The following HCN1 variants were observed in gnomAD, a reference collection of about 807,000 sequenced individuals.
The protein encoded by HCN1 is hyperpolarization activated cyclic nucleotide gated potassium channel 1.
Under a neutral mutation model 78.9 loss-of-function variants are expected in HCN1, and 13 were observed. That is an observed-to-expected ratio of 0.16 (90% confidence interval 0.11 to 0.26). The LOEUF is 0.26. Among genes scored for constraint, HCN1 ranks in the 10% least tolerant of loss-of-function variants. The pLI is 1.00. For synonymous variants in HCN1, 552 were observed against 455.5 expected, an observed-to-expected ratio of 1.21 and a Z score of -2.70; for missense variants, 810 against 1,154.3, an observed-to-expected ratio of 0.70 and a Z score of 4.32.
chr5:45,389,594 G>A (rs1244925012), intron 4 of HCN1, among the ~76,000 whole-genome samples: 1 of 152,112 alleles, frequency 6.6e-6, no homozygotes, highest in African/African-American at 2.4e-5. Flanking sequence ...GCATTCTGCA[G>A]GAATGCATGG....
intron 4 of HCN1, among the ~76,000 whole-genome samples, chr5:45,374,863 AT>A (rs1446922021): frequency 6.9e-6 from 1 of 145,168 alleles, no homozygotes; most frequent in Non-Finnish European, 1.5e-5. Flanking sequence ...TGTAAAACTT[AT>A]TTTTGGTTCA....
intron 6 of HCN1, among the ~76,000 whole-genome samples, chr5:45,299,366 T>C (rs1745560825): frequency 6.6e-6 from 1 of 151,976 alleles, no homozygotes; most frequent in African/African-American, 2.4e-5. Flanking sequence ...GAAGTAAAAG[T>C]TTAACCGTAA....
chr5:45,399,549 T>A (rs1318939891), intron 3 of HCN1, among the ~76,000 whole-genome samples: 1 of 152,198 alleles, frequency 6.6e-6, no homozygotes, highest in Non-Finnish European at 1.5e-5. Flanking sequence ...AAATTAACTC[T>A]TAAATTATCA....
intron 2 of HCN1, among the ~76,000 whole-genome samples, chr5:45,496,868 C>A (rs1357532941): frequency 6.6e-6 from 1 of 152,154 alleles, no homozygotes; most frequent in African/African-American, 2.4e-5. Context: ...CTACACACTG[C>A]TTTGAATGTG....
intron 2 of HCN1, among the ~76,000 whole-genome samples, chr5:45,489,243 G>A (rs532779435): frequency 6.6e-6 from 1 of 152,126 alleles, no homozygotes; most frequent in Non-Finnish European, 1.5e-5. Flanking sequence ...ATTTTGGGGA[G>A]AATTAATAGT....
At chr5:45,301,774 TA>T (rs1388439899) in intron 6 of HCN1, among the ~76,000 whole-genome samples, 1 of 148,166 alleles carries the variant, frequency 6.7e-6, no homozygotes, top group Non-Finnish European at 1.5e-5. Context: ...TCCCAGTGTG[TA>T]AAACCCGCTT....
intron 2 of HCN1, among the ~76,000 whole-genome samples, chr5:45,494,836 G>A (rs1179130229): frequency 6.6e-6 from 1 of 152,104 alleles, no homozygotes; most frequent in African/African-American, 2.4e-5. Flanking sequence ...AGTTTTCTCA[G>A]CACCATTTAT....
chr5:45,362,944 C>T (rs1180830263), intron 4 of HCN1, among the ~76,000 whole-genome samples: 1 of 151,518 alleles, frequency 6.6e-6, no homozygotes, highest in Non-Finnish European at 1.5e-5. Flanking sequence ...TAACTTTCTA[C>T]TTCTCATTAA....
intron 2 of HCN1, among the ~76,000 whole-genome samples, chr5:45,495,500 G>A (rs1440913108): frequency 1.3e-5 from 2 of 151,690 alleles, no homozygotes; most frequent in Non-Finnish European, 2.9e-5. Context: ...GAGATTTTGG[G>A]CTGAGACAAT....
Position 45,396,582 on chromosome 5 carries a change from G to T in HCN1, c.1140C>A (p.Ile380=). 1 of 1,613,840 alleles carries T rather than the reference G, an allele frequency of 6.2e-7. No homozygotes were observed. Residue 380 remains isoleucine, a synonymous_variant, in exon 4 of 8, where the codon ATC becomes ATA. Transcript: ENST00000303230. ...ACATGGCATAGCAGGTGGCCCCGACGATCATGCTCAGCATGGTAATCCAGA... is the reference window on the plus strand; with the variant it reads ...ACATGGCATAGCAGGTGGCCCCGACTATCATGCTCAGCATGGTAATCCAGA... ...SDLWITMLSM[I]VGATCYAMFV... is the part of the protein sequence containing the mutation.
chr5:45,589,030 C>A (rs887377715), intron 2 of HCN1, among the ~76,000 whole-genome samples: 1 of 152,114 alleles, frequency 6.6e-6, no homozygotes, highest in Non-Finnish European at 1.5e-5. Context: ...AAAGACAAGA[C>A]AACAGTGGTT....
At chr5:45,291,005 TG>T in intron 6 of HCN1, among the ~76,000 whole-genome samples, 1 of 152,210 alleles carries the variant, frequency 6.6e-6, no homozygotes, top group African/African-American at 2.4e-5. Flanking sequence ...TCAGAAAGCT[TG>T]AAAATGCTTC....
At chr5:45,326,879 G>T (rs1390985464) in intron 5 of HCN1, among the ~76,000 whole-genome samples, 1 of 151,474 alleles carries the variant, frequency 6.6e-6, no homozygotes, top group Non-Finnish European at 1.5e-5. Context: ...TAGAACATAG[G>T]GACATACTGT....
At chr5:45,616,684 G>T (rs1450178539) in intron 2 of HCN1, among the ~76,000 whole-genome samples, 1 of 151,852 alleles carries the variant, frequency 6.6e-6, no homozygotes, top group African/African-American at 2.4e-5. Flanking sequence ...AGAAGAAAGA[G>T]AAGTTAATGA....
chr5:45,689,520 T>C (rs1408237008), intron 1 of HCN1, among the ~76,000 whole-genome samples: 1 of 152,108 alleles, frequency 6.6e-6, no homozygotes, highest in Non-Finnish European at 1.5e-5. Flanking sequence ...ATCTAAAAGA[T>C]GAGTAGAAAC....
chr5:45,334,185 C>T (rs564038870), intron 5 of HCN1, among the ~76,000 whole-genome samples: 1 of 151,884 alleles, frequency 6.6e-6, no homozygotes, highest in Admixed American at 6.6e-5. Flanking sequence ...ATAACTTAAG[C>T]CATTGTAGAA....
In HCN1 at chr5:45,262,566, G is replaced by T. The variant is rs761735262; in HGVS notation, c.2028C>A (p.Ser676Arg). 3.1e-6 allele frequency: 5 copies of T among 1,613,928 alleles called. No homozygotes were observed. The highest frequency in any genetic ancestry group is 4.2e-6 in the Non-Finnish European group (5 of 1,180,024). ...TGCTGGGACTGGGGGAGTGCAGGTT[G>T]CTGTGAGACAGGCTGGTCGCTGTGT... ...PVYTATSLSH[S>R]NLHSPSPSTQ... Residue 676 changes from serine to arginine, a missense_variant, in exon 8 of 8, where the codon AGC becomes AGA. Around this residue, in one of 6 missense-constraint regions of HCN1, gnomAD observed 398 missense variants for 381.3 expected, o/e 1.04. Coordinates refer to ENST00000303230, the MANE Select transcript of HCN1 (RefSeq NM_021072.4).
chr5:45,317,949 A>G (rs1746032615), intron 5 of HCN1, among the ~76,000 whole-genome samples: 1 of 152,112 alleles, frequency 6.6e-6, no homozygotes, highest in Non-Finnish European at 1.5e-5. Context: ...AAATAGGAAC[A>G]CTTTTACACT....
intron 1 of HCN1, among the ~76,000 whole-genome samples, chr5:45,670,228 C>A: frequency 6.6e-6 from 1 of 151,702 alleles, no homozygotes; most frequent in East Asian, 1.9e-4. Context: ...GTGAAACAAA[C>A]AAACAAACAA....
Sources: gnomAD v4.1 joint callset for allele counts (sites outside exome capture counted in the v4.1 genomes callset) on GRCh38, gnomAD v4.1.1 for gene constraint, gnomAD v4.1.1 regional missense constraint, MANE v1.5 for transcripts, NCBI Gene and HGNC (gene_info 2026-07-23, HGNC 2026-07-21) for gene names.